FRMPD1: variants seen among roughly 807,000 people sequenced by gnomAD.
FRMPD1 encodes the protein FERM and PDZ domain containing 1, also known as FERM and PDZ domain-containing protein 1.
In FRMPD1, 76 loss-of-function variants were observed where a neutral mutation model predicts 117.8. That is an observed-to-expected ratio of 0.65 (90% confidence interval 0.54 to 0.78). The LOEUF (loss-of-function observed/expected upper bound fraction) is 0.78, where lower values mean the gene tolerates loss of function less well. Ranked by LOEUF, FRMPD1 falls within the 30% of genes least tolerant of loss-of-function variation. The pLI, the probability that FRMPD1 is intolerant of heterozygous loss-of-function variation, is 0.00. For missense variants in FRMPD1, 1,786 were observed against 1,964.5 expected, an observed-to-expected ratio of 0.91 and a Z score of 1.72; for synonymous variants, 783 against 770.4, an observed-to-expected ratio of 1.02 and a Z score of -0.27.
At chr9:37,644,858 A>G in the FRMPD1 span, among the ~76,000 whole-genome samples, 1 of 152,306 alleles carries the variant, frequency 6.6e-6, no homozygotes, top group South Asian at 2.1e-4. Context: ...TGAAAAGTCT[A>G]TGCAAAAGTA....
the FRMPD1 span, chr9:37,636,910 C>G: frequency 1.9e-6 from 3 of 1,609,286 alleles, no homozygotes; most frequent in Middle Eastern, 1.6e-4. Context: ...CCACCACCTT[C>G]TTGGTGGTGA....
chr9:37,742,360 G>A (rs1186091169), intron 15 of FRMPD1, among the ~76,000 whole-genome samples: 1 of 152,236 alleles, frequency 6.6e-6, no homozygotes, highest in Admixed American at 6.5e-5. Context: ...GTCTAGTCAG[G>A]AACATATGGG....
intron 1 of FRMPD1, among the ~76,000 whole-genome samples, chr9:37,683,489 C>A (rs1020443337): frequency 1.1e-4 from 16 of 152,014 alleles, no homozygotes; most frequent in African/African-American, 3.9e-4. Flanking sequence ...GTGTTCTGTG[C>A]AAATCCAGTA....
intron 10 of FRMPD1, among the ~76,000 whole-genome samples, chr9:37,732,946 T>G (rs1823955294): frequency 6.6e-6 from 1 of 152,166 alleles, no homozygotes; most frequent in Non-Finnish European, 1.5e-5. Flanking sequence ...CAGAATCAGA[T>G]GGGGAATCAT....
intron 5 of FRMPD1, among the ~76,000 whole-genome samples, chr9:37,717,293 G>GA (rs1214541881): frequency 1.8e-4 from 24 of 135,656 alleles, no homozygotes; most frequent in East Asian, 4.2e-4. Flanking sequence ...ATTTTGCCGA[G>GA]AAAAAAAAAA....
intron 2 of FRMPD1, among the ~76,000 whole-genome samples, chr9:37,703,880 G>A (rs1368496617): frequency 2.6e-5 from 4 of 152,090 alleles, no homozygotes; most frequent in African/African-American, 2.4e-5. Context: ...TCTGGAATAC[G>A]GTATTTTATT....
At chr9:37,709,379 G>A (rs1822828958) in intron 4 of FRMPD1, among the ~76,000 whole-genome samples, 1 of 151,088 alleles carries the variant, frequency 6.6e-6, no homozygotes, top group African/African-American at 2.4e-5. Context: ...TTTGAGATGG[G>A]GACTTGCTGT....
chr9:37,637,363 C>T, the FRMPD1 span: 6 of 763,884 alleles, frequency 7.9e-6, no homozygotes, highest in Middle Eastern at 2.8e-4. Context: ...AGATGGTGGC[C>T]GCCGATGTTT....
chr9:37,681,672 AG>A (rs774286496), intron 1 of FRMPD1, among the ~76,000 whole-genome samples: 1 of 152,194 alleles, frequency 6.6e-6, no homozygotes, highest in Non-Finnish European at 1.5e-5. Flanking sequence ...AAGGTTCCAT[AG>A]TTATAGCTGC....
At chr9:37,621,848 C>T in the FRMPD1 span, among the ~76,000 whole-genome samples, 15 of 149,230 alleles carry the variant, frequency 1.0e-4, no homozygotes, top group Non-Finnish European at 1.0e-4. Context: ...ATTTCTAGGG[C>T]CTGGGAGAAA....
chr9:37,718,891 T>A (rs1194022254), intron 5 of FRMPD1, among the ~76,000 whole-genome samples, 178 bp from the exon 6 acceptor site: 1 of 152,232 alleles, frequency 6.6e-6, no homozygotes, highest in Non-Finnish European at 1.5e-5. Context: ...GAACATTATC[T>A]GGCTTGGGAT....
At chr9:37,691,675 G>A (rs10973493) in intron 1 of FRMPD1, among the ~76,000 whole-genome samples, 29,986 of 152,096 alleles carry the variant, frequency 0.2, 3,280 homozygotes, top group Non-Finnish European at 0.25. Flanking sequence ...AGGCCAAGGC[G>A]GGCAGATCAC....
chr9:37,738,469 A>G (rs1824234373), intron 14 of FRMPD1, among the ~76,000 whole-genome samples: 1 of 152,084 alleles, frequency 6.6e-6, no homozygotes, highest in Non-Finnish European at 1.5e-5. Context: ...CCTCCCAAGT[A>G]GCTGAGATTA....
chr9:37,655,402 T>C (rs898829082), intron 1 of FRMPD1, among the ~76,000 whole-genome samples: 1 of 151,892 alleles, frequency 6.6e-6, no homozygotes, highest in African/African-American at 2.4e-5. Context: ...CTTCCCTGTA[T>C]GGATACTGAA....
At chr9:37,639,338 A>T in the FRMPD1 span, among the ~76,000 whole-genome samples, 1 of 152,106 alleles carries the variant, frequency 6.6e-6, no homozygotes, top group Non-Finnish European at 1.5e-5. Context: ...TGGAGCTAGT[A>T]GTTTGCACAT....
intron 1 of FRMPD1, among the ~76,000 whole-genome samples, chr9:37,684,744 C>A (rs1258955405): frequency 6.6e-6 from 1 of 151,958 alleles, no homozygotes; most frequent in Non-Finnish European, 1.5e-5. Context: ...AAGAGTCAGT[C>A]ATGATTCCCC....
chr9:37,698,549 C>CTTTTTTTT lies in FRMPD1; in HGVS notation c.101+5830_101+5837dup, dbSNP rs531498194. Among the ~76,000 whole-genome samples, 100 of 74,598 alleles carry CTTTTTTTT rather than the reference C, an allele frequency of 1.3e-3. 1 individual carries two copies. The highest frequency in any genetic ancestry group is 2.2e-3 in the African/African-American group (33 of 14,962). The allele number at this position is 74,598 out of a possible 152,430, so 48.9% of individuals were successfully genotyped here. On this transcript the variant is annotated intron_variant, in intron 2 of 15. Transcript: ENST00000377765. ...ACAATAGTATTATGCATCTCATTAT[C>CTTTTTTTT]TTTTTTTTTTTTTTTTTTTTTTTTT...
At chr9:37,736,897 A>G (rs367908357) in intron 13 of FRMPD1, among the ~76,000 whole-genome samples, 199 bp from the exon 14 acceptor site, 3 of 151,626 alleles carry the variant, frequency 2.0e-5, no homozygotes, top group Non-Finnish European at 4.4e-5. Flanking sequence ...GCACACACAC[A>G]CGCGATGGTG....
the FRMPD1 span, among the ~76,000 whole-genome samples, chr9:37,605,572 G>A: frequency 9.2e-5 from 14 of 152,174 alleles, no homozygotes; most frequent in African/African-American, 3.1e-4. Flanking sequence ...CCTGCTAATG[G>A]TGAGAAAGGC....
Sources: gnomAD v4.1 joint callset for allele counts (sites outside exome capture counted in the v4.1 genomes callset) on GRCh38, gnomAD v4.1.1 for gene constraint, MANE v1.5 for transcripts, NCBI Gene and HGNC (gene_info 2026-07-23, HGNC 2026-07-21) for gene names.